Variants in IL17RA observed in about 807,000 individuals in gnomAD.
IL17RA encodes the protein interleukin-17 receptor A.
In IL17RA, 34 loss-of-function variants were observed where a neutral mutation model predicts 50.4. The observed-to-expected ratio is 0.67, with a 90% CI of 0.51 to 0.90. The LOEUF (loss-of-function observed/expected upper bound fraction) is 0.90. IL17RA is among the 40% of genes least tolerant of loss of function. The pLI, the probability that IL17RA is intolerant of heterozygous loss-of-function variation, is 0.00. For synonymous variants in IL17RA, 585 were observed against 510.4 expected (o/e 1.15, Z -1.97); for missense variants, 1,276 against 1,169.8 (o/e 1.09, Z -1.32).
At chr22:17,087,381 T>A (rs2061331846) in intron 1 of IL17RA, among the ~76,000 whole-genome samples, 1 of 152,246 alleles carries the variant, frequency 6.6e-6, no homozygotes, top group South Asian at 2.1e-4. Flanking sequence ...CCATGCCACC[T>A]TCCAGAATGT....
chr22:17,089,262 A>G (rs142893379), intron 1 of IL17RA, among the ~76,000 whole-genome samples: 1 of 152,278 alleles, frequency 6.6e-6, no homozygotes, highest in East Asian at 1.9e-4. Flanking sequence ...AGAGATTAAG[A>G]TCATGTATTC....
At position 17,102,062 on chromosome 22, in the gene IL17RA, G is replaced by C. The variant is rs758810829; in HGVS notation, c.598+19G>C. 2.4e-5 allele frequency: 38 copies of C among 1,614,076 alleles called. No individual in the cohort carries two copies. The highest frequency in any genetic ancestry group is 3.2e-5 in the Non-Finnish European group (38 of 1,180,044). On this transcript the variant is annotated intron_variant, in intron 6 of 12. Coordinates refer to ENST00000319363, the MANE Select transcript of IL17RA (RefSeq NM_014339.7). ...AGCTCAGGTAACAGCTGGCCCGGGA[G>C]AGCTTTATTTGGATGCATACACATG...
intron 9 of IL17RA, 24 bp from the exon 10 acceptor site, chr22:17,105,567 C>A: frequency 6.2e-7 from 1 of 1,609,752 alleles, no homozygotes; most frequent in Non-Finnish European, 8.5e-7. Flanking sequence ...GCTATTTTCC[C>A]TTTTTCCTCT....
chr22:17,085,142 G>GCCC lies in IL17RA; in HGVS notation c.52_53insCCC (p.Gly17_Leu18insPro). 6.6e-7 allele frequency: 1 copy of GCCC among 1,505,372 alleles called. No homozygotes were observed. The highest frequency in any genetic ancestry group is 8.8e-7 in the Non-Finnish European group (1 of 1,132,564). 93.3% of individuals were successfully genotyped at this position (1,505,372 alleles called of 1,614,324 possible). On this transcript the variant is annotated inframe_insertion, in exon 1 of 13. Transcript: ENST00000319363. ...CCGCTGTCCCGGGGCCCCTGCTGGG[G>GCCC]CTGCTCCTGCTGCTCCTGGGCGTGC...
rs866603119 is a variant in IL17RA at position 17,088,227 on chromosome 22, C to T, written c.138+2998C>T. Among the ~76,000 whole-genome samples, 8 of 152,314 alleles carry T rather than the reference C, an allele frequency of 5.3e-5. No homozygotes were observed. The South Asian group carries it at 1.7e-3, about 32-fold the overall frequency. On this transcript the variant is annotated intron_variant, in intron 1 of 12. Transcript: ENST00000319363. ...AGGCACTCAGTAGTGTTCACTGAGG[C>T]ACAGAATTGAATACAATCTTCCATT...
chr22:17,108,458 C>T lies in IL17RA; in HGVS notation c.1239C>T (p.Asp413=). 6.2e-7 allele frequency: 1 copy of T among 1,613,870 alleles called. No homozygotes were observed. The highest frequency in any genetic ancestry group is 8.5e-7 in the Non-Finnish European group (1 of 1,180,048). The part of the protein sequence containing the change: ...LTACGTEVAL[D]LLEEQAISEA... ...CCTGCGGCACGGAAGTGGCCCTGGA[C>T]CTGCTGGAAGAGCAGGCCATCTCGG... is the stretch of plus-strand genomic sequence containing the variant. Residue 413 remains aspartate (D), a synonymous_variant, in exon 13 of 13, where the codon GAC becomes GAT. Coordinates refer to ENST00000319363, the MANE Select transcript of IL17RA (RefSeq NM_014339.7).
rs1601343117 is a variant in IL17RA, at chr22:17,100,419, A to C, written c.488A>C (p.His163Pro). 6.2e-7 allele frequency: 1 copy of C among 1,614,094 alleles called. No individual in the cohort carries two copies. Among genetic ancestry groups the C allele is most frequent in the Non-Finnish European group, 8.5e-7 (1 of 1,179,994 alleles). ...PDQEYEVTVH[H>P]LPKPIPDGDP... ...CAGGAATATGAGGTGACCGTTCACC[A>C]CCTGCCCAAGCCCATCCCTGATGGG... Residue 163 changes from histidine to proline, a missense_variant, in exon 5 of 13, where the codon CAC (histidine) becomes CCC (proline). By Grantham distance (77) the His-to-Pro change is moderately conservative (BLOSUM62 -2). Transcript: ENST00000319363.
At chr22:17,091,387 A>G (rs1351550480) in intron 1 of IL17RA, among the ~76,000 whole-genome samples, 2 of 152,188 alleles carry the variant, frequency 1.3e-5, no homozygotes, top group Admixed American at 6.5e-5. Context: ...AAGAAAGTCA[A>G]TGTTATTGGC....
intron 1 of IL17RA, chr22:17,093,944 C>A (rs1351458603): frequency 9.0e-6 from 1 of 110,704 alleles, no homozygotes; most frequent in South Asian, 2.8e-4. Context: ...TGGCAGGTGA[C>A]AGAATAGCCC....
rs1184559269 is a variant in IL17RA at position 17,109,884 on chromosome 22, A to G, written c.*64A>G. 14 of 1,397,814 alleles carry G rather than the reference A, an allele frequency of 1.0e-5. No homozygotes were observed. Among genetic ancestry groups the G allele is most frequent in the Middle Eastern group, 1.7e-4 (1 of 5,732 alleles). 86.6% of individuals were successfully genotyped at this position (1,397,814 alleles called of 1,614,324 possible). On this transcript the variant is annotated 3_prime_UTR_variant, in exon 13 of 13. Coordinates refer to ENST00000319363, the MANE Select transcript of IL17RA (RefSeq NM_014339.7). ...GAGAGGAGTGTGTGTGCACGTATTC[A>G]TCTGTGTGTACATGTCTGCATGTGT...
In IL17RA at chr22:17,109,599, C is replaced by T. The variant is rs771884191; in HGVS notation, c.2380C>T (p.Gln794Ter). 6.2e-7 allele frequency: 1 copy of T among 1,603,872 alleles called. No individual in the cohort carries two copies. Among genetic ancestry groups the T allele is most frequent in the South Asian group, 1.1e-5 (1 of 89,626 alleles). Residue 794 changes from glutamine (Q) to a stop codon, truncating the protein, a stop_gained, in exon 13 of 13, where the codon CAG (glutamine) becomes TAG (stop). Coordinates refer to ENST00000319363, the MANE Select transcript of IL17RA (RefSeq NM_014339.7). LOFTEE classifies it low-confidence loss of function (END_TRUNC). ...EEQRQSVQSD[Q>*]GYISRSSPQP... ...GCAGCGGCAGTCAGTGCAGTCTGACCAGGGCTACATCTCCAGGAGCTCCCC... is the reference window on the plus strand; with the variant it reads ...GCAGCGGCAGTCAGTGCAGTCTGACTAGGGCTACATCTCCAGGAGCTCCCC...
intron 5 of IL17RA, among the ~76,000 whole-genome samples, chr22:17,101,640 A>G (rs570619837): frequency 6.6e-6 from 1 of 152,186 alleles, no homozygotes; most frequent in African/African-American, 2.4e-5. Context: ...CTGTCCCTCC[A>G]TGGTGATTCA....
chr22:17,098,033 G>C lies in IL17RA; in HGVS notation c.310+90G>C, dbSNP rs1601341150. ...GGCTCAGGATTGGGCTCCCAGTCCT[G>C]TGCTCAGACATGGGGGTTCAAATTT... On this transcript the variant is annotated intron_variant, in intron 3 of 12. Transcript: ENST00000319363. The C allele has an allele frequency of 2.0e-6, 3 of 1,505,992 alleles. No individual in the cohort carries two copies. In the East Asian group the frequency reaches 6.8e-5, roughly 34 times the overall value. The allele number at this position is 1,505,992 out of a possible 1,614,324, so 93.3% of individuals were successfully genotyped here. A position where few individuals can be genotyped will look rare whatever the true frequency, so the allele number is the denominator to read the frequency against.
chr22:17,085,406 T>A, intron 1 of IL17RA, 177 bp downstream of exon 1: 1 of 733,892 alleles, frequency 1.4e-6, no homozygotes, highest in Non-Finnish European at 1.7e-6. Flanking sequence ...GGGAGGACCC[T>A]CGGAGCGGTG....
intron 1 of IL17RA, among the ~76,000 whole-genome samples, chr22:17,092,545 T>C (rs141889043): frequency 6.6e-6 from 1 of 152,228 alleles, no homozygotes; most frequent in Non-Finnish European, 1.5e-5. Flanking sequence ...CCAGCTGGTG[T>C]CTGCTGCCGA....
intron 1 of IL17RA, among the ~76,000 whole-genome samples, chr22:17,090,449 A>G (rs975649709): frequency 9.2e-5 from 14 of 152,136 alleles, no homozygotes; most frequent in African/African-American, 2.9e-4. Context: ...CTTTTAATTA[A>G]TTTTTGTCAA....
chr22:17,105,568 T>G, intron 9 of IL17RA, 23 bp from the exon 10 acceptor site: 1 of 1,608,546 alleles, frequency 6.2e-7, no homozygotes, highest in South Asian at 1.1e-5. Context: ...CTATTTTCCC[T>G]TTTTCCTCTG....
At chr22:17,106,224 A>G (rs1441800765) in intron 11 of IL17RA, among the ~76,000 whole-genome samples, 1 of 152,232 alleles carries the variant, frequency 6.6e-6, no homozygotes, top group African/African-American at 2.4e-5. Context: ...AAGGAGCCGG[A>G]GTAAAGTTTC....
At chr22:17,089,200 G>A (rs1162383107) in intron 1 of IL17RA, among the ~76,000 whole-genome samples, 1 of 152,170 alleles carries the variant, frequency 6.6e-6, no homozygotes, top group African/African-American at 2.4e-5. Flanking sequence ...TGGGATTACA[G>A]GTGTGAGCAA....
Sources: gnomAD v4.1 joint callset for allele counts (sites outside exome capture counted in the v4.1 genomes callset) on GRCh38, gnomAD v4.1.1 for gene constraint, MANE v1.5 for transcripts, NCBI Gene and HGNC (gene_info 2026-07-23, HGNC 2026-07-21) for gene names.